Variants in CCNDBP1 observed in about 807,000 individuals in gnomAD.
CCNDBP1 encodes cyclin-D1-binding protein 1.
In CCNDBP1, 45 loss-of-function variants were observed where a neutral mutation model predicts 46.2. The ratio of observed to expected loss-of-function variants is 0.97; its 90% CI spans 0.77 to 1.25. The LOEUF (loss-of-function observed/expected upper bound fraction) is 1.25. Among genes scored for constraint, CCNDBP1 ranks in the 50% most tolerant of loss-of-function variants. The pLI is 0.00. For synonymous variants in CCNDBP1, 154 were observed against 163.6 expected (o/e 0.94, Z 0.45); for missense variants, 436 against 442.1 (o/e 0.99, Z 0.12).
chr15:43,185,821 C>A lies in CCNDBP1; in HGVS notation c.111C>A (p.Val37=). 1 of 1,610,550 alleles carries A rather than the reference C, an allele frequency of 6.2e-7. No homozygotes were observed. Among genetic ancestry groups the A allele is most frequent in the Non-Finnish European group, 8.5e-7 (1 of 1,179,874 alleles). The change falls in exon 2 of 11, where the codon GTC becomes GTA. Residue 37 remains valine, a splice_region_variant and synonymous_variant. Coordinates refer to ENST00000300213, the MANE Select transcript of CCNDBP1 (RefSeq NM_012142.5). The part of the protein sequence containing the change: ...ELRLLLPRVR[V]GEAQETTEEF... Reference sequence around the variant, plus strand: ...GCCCCCACACGCCACACCCACAAGTCGGCGAAGCCCAGGAGACCACCGAGG... The same window carrying A: ...GCCCCCACACGCCACACCCACAAGTAGGCGAAGCCCAGGAGACCACCGAGG...
chr15:43,185,979 G>A, intron 2 of CCNDBP1, 100 bp downstream of exon 2: 1 of 1,274,432 alleles, frequency 7.8e-7, no homozygotes, highest in Non-Finnish European at 1.1e-6. Flanking sequence ...GCTCTCCCCC[G>A]CTGCATCCTT....
chr15:43,189,331 G>A, intron 4 of CCNDBP1, 51 bp downstream of exon 4: 2 of 1,061,380 alleles, frequency 1.9e-6, no homozygotes, highest in Non-Finnish European at 2.7e-6. Flanking sequence ...CTAATATTGT[G>A]GATTATGTCT....
chr15:43,186,581 A>C (rs1050528994), intron 3 of CCNDBP1, among the ~76,000 whole-genome samples: 3 of 152,246 alleles, frequency 2.0e-5, no homozygotes, highest in African/African-American at 7.2e-5. Flanking sequence ...AGATTTAAAA[A>C]AAAGCAGGGG....
At chr15:43,191,725 A>C (rs770566630) in intron 8 of CCNDBP1, 50 bp downstream of exon 8, 1 of 1,559,852 alleles carries the variant, frequency 6.4e-7, no homozygotes, top group South Asian at 1.1e-5. Context: ...TTCTGATTTC[A>C]ATTTGTGTTG....
intron 7 of CCNDBP1, 24 bp from the exon 8 acceptor site, chr15:43,191,370 TC>T: frequency 1.0e-6 from 1 of 991,270 alleles, no homozygotes. Flanking sequence ...TTTTTTGCAT[TC>T]ACATACATCA....
At chr15:43,191,912 A>G (rs1217970006) in intron 8 of CCNDBP1, among the ~76,000 whole-genome samples, 1 of 152,132 alleles carries the variant, frequency 6.6e-6, no homozygotes, top group Non-Finnish European at 1.5e-5. Context: ...TTATTCCAGA[A>G]TGTTTTGAGA....
chr15:43,188,150 C>T (rs2041883327), intron 3 of CCNDBP1, among the ~76,000 whole-genome samples: 1 of 152,158 alleles, frequency 6.6e-6, no homozygotes, highest in African/African-American at 2.4e-5. Flanking sequence ...TGGTCACAAA[C>T]AGTTTGTAGA....
chr15:43,190,027 G>A, intron 4 of CCNDBP1, 28 bp from the exon 5 acceptor site: 2 of 1,594,870 alleles, frequency 1.3e-6, no homozygotes, highest in Non-Finnish European at 1.7e-6. Context: ...AGAACACCAG[G>A]TTGCTTATTC....
In CCNDBP1 at chr15:43,196,730, T is replaced by G. The variant is rs2142246948; in HGVS notation, c.*1889T>G. Reference sequence around the variant, plus strand: ...ATGTATTAATGAGCAGTAAAATGGTTGCAAAAAACCTGAACCTGAACAATC... The same window carrying G: ...ATGTATTAATGAGCAGTAAAATGGTGGCAAAAAACCTGAACCTGAACAATC... On this transcript the variant is annotated 3_prime_UTR_variant, in exon 11 of 11. Transcript: ENST00000300213. The G allele has an allele frequency of 6.2e-6, 1 of 162,048 alleles. No individual in the cohort carries two copies. The allele number at this position is 162,048 out of a possible 1,614,324, so 10.0% of individuals were successfully genotyped here.
chr15:43,190,370 G>C lies in CCNDBP1; in HGVS notation c.474G>C (p.Ala158=), dbSNP rs565148907. 1 of 1,614,120 alleles carries C rather than the reference G, an allele frequency of 6.2e-7. No homozygotes were observed. Among genetic ancestry groups the C allele is most frequent in the Non-Finnish European group, 8.5e-7 (1 of 1,180,026 alleles). ...DLISYNSVWV[A]CQQMPQIPRD... ...TTTCCTACAACAGTGTCTGGGTTGCGTGCCAGCAGATGCCTCAGATACCAA... is the reference window on the plus strand; with the variant it reads ...TTTCCTACAACAGTGTCTGGGTTGCCTGCCAGCAGATGCCTCAGATACCAA... Residue 158 remains alanine (A), a synonymous_variant, in exon 6 of 11, where the codon GCG becomes GCC. Coordinates refer to ENST00000300213, the MANE Select transcript of CCNDBP1 (RefSeq NM_012142.5).
chr15:43,194,833 G>C lies in CCNDBP1; in HGVS notation c.1075G>C (p.Glu359Gln). 6.2e-7 allele frequency: 1 copy of C among 1,600,580 alleles called. No homozygotes were observed. The highest frequency in any genetic ancestry group is 8.6e-7 in the Non-Finnish European group (1 of 1,167,770). Residue 359 changes from glutamate to glutamine, a missense_variant, in exon 11 of 11, where the codon GAA (glutamate) becomes CAA (glutamine). Transcript: ENST00000300213. ...RIKELTQSEL[E>Q]L ...CAAGGAGCTCACTCAGAGTGAACTT[G>C]AATTATGACTTTTCAGGCTCATTTG...
At chr15:43,190,031 C>T (rs750968618) in intron 4 of CCNDBP1, 24 bp from the exon 5 acceptor site, 9 of 1,606,934 alleles carry the variant, frequency 5.6e-6, no homozygotes, top group Non-Finnish European at 7.7e-6. Context: ...CACCAGGTTG[C>T]TTATTCTTTG....
intron 3 of CCNDBP1, among the ~76,000 whole-genome samples, chr15:43,186,691 CAT>C (rs1265779909): frequency 2.0e-5 from 3 of 152,174 alleles, no homozygotes; most frequent in Non-Finnish European, 2.9e-5. Flanking sequence ...TAATCAGTAA[CAT>C]ATGTAGATAG....
chr15:43,194,395 C>A lies in CCNDBP1; in HGVS notation c.922-20C>A, dbSNP rs371988422. ...TTATGGTAGGGCTCAGGGTGAATAA[C>A]TTCTGTGTTTCTTTTCTAGTCTGCG... On this transcript the variant is annotated intron_variant, in intron 9 of 10. Transcript: ENST00000300213. The A allele has an allele frequency of 6.3e-7, 1 of 1,595,252 alleles. No homozygotes were observed. The highest frequency in any genetic ancestry group is 1.4e-5 in the African/African-American group (1 of 73,954).
rs371951443 is a variant in CCNDBP1, at chr15:43,192,770, T to C, written c.888T>C (p.Tyr296=). The C allele has an allele frequency of 1.2e-6, 2 of 1,614,078 alleles. No individual in the cohort carries two copies. Among genetic ancestry groups the C allele is most frequent in the Non-Finnish European group, 1.7e-6 (2 of 1,180,034 alleles). ...TGGATGATTTGGCTCTGAGCATATA[T>C]CCACCTATGTGTCACCTGACCGTGC... ...PSVDDLALSI[Y]PPMCHLTVRI... is the part of the protein sequence containing the mutation. The change falls in exon 9 of 11, where the codon TAT becomes TAC. Residue 296 remains tyrosine (Y), a synonymous_variant. Transcript: ENST00000300213.
intron 3 of CCNDBP1, chr15:43,188,811 T>G (rs1479934839): frequency 5.8e-6 from 1 of 172,788 alleles, no homozygotes; most frequent in Non-Finnish European, 1.2e-5. Context: ...GTGCAGTGGC[T>G]TACACCTGTA....
At position 43,194,722 on chromosome 15, in the gene CCNDBP1, C is replaced by T. The variant is rs1393891733; in HGVS notation, c.969-5C>T. The T allele has an allele frequency of 6.3e-7, 1 of 1,582,930 alleles. No individual in the cohort carries two copies. Among genetic ancestry groups the T allele is most frequent in the Non-Finnish European group, 8.7e-7 (1 of 1,151,664 alleles). On this transcript the variant is annotated splice_region_variant and splice_polypyrimidine_tract_variant and intron_variant, in intron 10 of 10. Coordinates refer to ENST00000300213, the MANE Select transcript of CCNDBP1 (RefSeq NM_012142.5). The stretch of plus-strand genomic sequence containing the variant: ...TAACTTACTTCTTTCCTATTCTATT[C>T]ACAGAGCAAGTCATGTGACCCCTCA...
intron 10 of CCNDBP1, 70 bp from the exon 11 acceptor site, chr15:43,194,657 C>T (rs2042015904): frequency 1.6e-6 from 2 of 1,245,792 alleles, no homozygotes; most frequent in African/African-American, 3.0e-5. Flanking sequence ...CCCTGTGCTC[C>T]CTCCTGAGGA....
At position 43,190,083 on chromosome 15, in the gene CCNDBP1, C is replaced by A; in HGVS notation, c.360C>A (p.Gly120=). 2 of 1,614,052 alleles carry A rather than the reference C, an allele frequency of 1.2e-6. No individual in the cohort carries two copies. Among genetic ancestry groups the A allele is most frequent in the Non-Finnish European group, 1.7e-6 (2 of 1,179,968 alleles). Residue 120 remains glycine, a synonymous_variant, in exon 5 of 11, where the codon GGC becomes GGA. Transcript: ENST00000300213. ...TCACCCTGAGAAAGCTGGTACGGGG[C>A]GCCACCCTGGACATCGTGGATGGCA... ...QGITLRKLVR[G]ATLDIVDGMA...
Sources: allele counts gnomAD v4.1 joint callset (sites outside exome capture counted in the v4.1 genomes callset), GRCh38; gene constraint gnomAD v4.1.1; transcripts MANE v1.5; gene names NCBI Gene and HGNC (gene_info 2026-07-23, HGNC 2026-07-21).